The following DDX52 variants were observed in gnomAD, a reference collection of about 807,000 sequenced individuals.
DDX52 encodes the protein probable ATP-dependent RNA helicase DDX52.
DDX52 carries 59 observed loss-of-function variants against 76.1 expected under a neutral mutation model. That is an observed-to-expected ratio of 0.78 (90% CI 0.63 to 0.96). The LOEUF (loss-of-function observed/expected upper bound fraction) is 0.96. Among genes scored for constraint, DDX52 ranks in the 40% least tolerant of loss-of-function variants. The probability of loss-of-function intolerance (pLI) is 0.00; values close to 1 mark genes in which losing one functional copy is unlikely to be tolerated. For synonymous variants in DDX52, 231 were observed against 244.1 expected (o/e 0.95, Z 0.50); for missense variants, 707 against 703.9 (o/e 1.00, Z -0.05).
chr17:37,623,384 C>T (rs182765952), intron 9 of DDX52, among the ~76,000 whole-genome samples: 6 of 152,222 alleles, frequency 3.9e-5, no homozygotes, highest in African/African-American at 7.2e-5. Flanking sequence ...AAGATGACGC[C>T]ACCGCACTCC....
chr17:37,613,093 A>G lies in DDX52; in HGVS notation c.*1203T>C, dbSNP rs981202150. 3.9e-5 allele frequency: 6 copies of G among 152,250 alleles called. No homozygotes were observed. Among genetic ancestry groups the G allele is most frequent in the Admixed American group, 3.9e-4 (6 of 15,288 alleles). 9.4% of individuals were successfully genotyped at this position (152,250 alleles called of 1,614,324 possible). On this transcript the variant is annotated 3_prime_UTR_variant, in exon 15 of 15. Coordinates refer to ENST00000617633, the MANE Select transcript of DDX52 (RefSeq NM_007010.5). ...AAAAAGCTACAAATAGAGGAAATAA[A>G]TAAGTTGAATTCAAATGCTGCTGAG...
chr17:37,635,584 G>C (rs1426212496), intron 2 of DDX52: 3 of 455,534 alleles, frequency 6.6e-6, no homozygotes, highest in Admixed American at 4.7e-5. Context: ...CATTGTAATG[G>C]ATGTACAGTT....
intron 2 of DDX52, chr17:37,639,443 T>C (rs2031083064): frequency 1.0e-5 from 10 of 993,864 alleles, no homozygotes; most frequent in Middle Eastern, 5.1e-4. Context: ...CAGTTAAAAA[T>C]AGATACATGC....
At chr17:37,619,092 G>A (rs1016909224) in intron 13 of DDX52, among the ~76,000 whole-genome samples, 2 of 152,134 alleles carry the variant, frequency 1.3e-5, no homozygotes, top group African/African-American at 4.8e-5. Context: ...ACATTTCAAG[G>A]ATAAGCCTAG....
At chr17:37,624,158 G>T in intron 9 of DDX52, 186 bp downstream of exon 9, 1 of 398,960 alleles carries the variant, frequency 2.5e-6, no homozygotes, top group Non-Finnish European at 4.5e-6. Flanking sequence ...TTTACTCCTA[G>T]ATTACTAAAT....
At chr17:37,617,774 T>C (rs2029880176) in intron 14 of DDX52, among the ~76,000 whole-genome samples, 1 of 152,120 alleles carries the variant, frequency 6.6e-6, no homozygotes, top group Admixed American at 6.5e-5. Flanking sequence ...AATAATATTT[T>C]CCAAGACGGA....
In DDX52 at chr17:37,618,487, T is replaced by G. The variant is rs1164733703; in HGVS notation, c.1650-103A>C. ...ATCCTTGATCACAAAATTCATTTTT[T>G]TTTTTTCCTTTGAGACGGAGTTTTG... On this transcript the variant is annotated intron_variant, in intron 13 of 14. Coordinates refer to ENST00000617633, the MANE Select transcript of DDX52 (RefSeq NM_007010.5). 6 of 1,033,538 alleles carry G rather than the reference T, an allele frequency of 5.8e-6. No homozygotes were observed. The African/African-American group carries it at 6.7e-5, about 12-fold the overall frequency. The allele number at this position is 1,033,538 out of a possible 1,614,324, so 64.0% of individuals were successfully genotyped here.
In DDX52 at chr17:37,628,638, G is replaced by C. The variant is rs759892495; in HGVS notation, c.782C>G (p.Thr261Arg). ...GTGGATCATGTGTATTCTGAATCCT[G>C]TTCCCTCAGAAATTTTTATTAACTC... ...HRELIKISEG[T>R]GFRIHMIHKA... Residue 261 changes from threonine (T) to arginine (R), a missense_variant, in exon 6 of 15, where the codon ACA becomes AGA. Transcript: ENST00000617633. The C allele has an allele frequency of 6.2e-7, 1 of 1,603,020 alleles. No individual in the cohort carries two copies. The highest frequency in any genetic ancestry group is 1.7e-5 in the Admixed American group (1 of 57,584).
rs558463386 is a variant in DDX52, at chr17:37,635,994, T to C, written c.287-2576A>G. ...TCACCATGTGTATTATCTTCTTTAGTGAGTAGATACAAGTCCTTTGATATA... is the reference window on the plus strand; with the variant it reads ...TCACCATGTGTATTATCTTCTTTAGCGAGTAGATACAAGTCCTTTGATATA... On this transcript the variant is annotated intron_variant, in intron 2 of 14. Coordinates refer to ENST00000617633, the MANE Select transcript of DDX52 (RefSeq NM_007010.5). Among the ~76,000 whole-genome samples the C allele has an allele frequency of 7.2e-5, 11 of 152,352 alleles. No homozygotes were observed. In the South Asian group the frequency reaches 2.3e-3, roughly 32 times the overall value.
intron 14 of DDX52, 87 bp downstream of exon 14, chr17:37,618,205 A>C (rs1323097210): frequency 2.2e-5 from 21 of 972,894 alleles, no homozygotes; most frequent in Admixed American, 5.6e-5. Context: ...TATCAATTCT[A>C]CTTCTAAAAA....
At chr17:37,631,754 A>G (rs1282172564) in intron 4 of DDX52, 1 of 231,516 alleles carries the variant, frequency 4.3e-6, no homozygotes, top group African/African-American at 2.3e-5. Context: ...TGAATAGAAC[A>G]TAATCCCCAT....
At position 37,625,980 on chromosome 17, in the gene DDX52, T is replaced by C. The variant is rs1482892227; in HGVS notation, c.1051A>G (p.Met351Val). The part of the protein sequence containing the change: ...ACTSHKVRRA[M>V]FSATFAYDVE... ...TCATATGCAAAAGTTGCACTGAACATAGCTCTTCGGACCTTGTGGGATGTG... is the reference window on the plus strand; with the variant it reads ...TCATATGCAAAAGTTGCACTGAACACAGCTCTTCGGACCTTGTGGGATGTG... The change falls in exon 8 of 15, where the codon ATG (methionine) becomes GTG (valine). Residue 351 changes from methionine to valine, a missense_variant. Coordinates refer to ENST00000617633, the MANE Select transcript of DDX52 (RefSeq NM_007010.5). 1.2e-6 allele frequency: 2 copies of C among 1,614,078 alleles called. No individual in the cohort carries two copies. The highest frequency in any genetic ancestry group is 1.7e-5 in the Admixed American group (1 of 60,002).
intron 7 of DDX52, 63 bp downstream of exon 7, chr17:37,626,725 A>C: frequency 6.6e-7 from 1 of 1,520,758 alleles, no homozygotes; most frequent in Admixed American, 1.8e-5. Flanking sequence ...CAAGCAATAG[A>C]GGACAAAATA....
At chr17:37,626,392 G>C (rs527691777) in intron 7 of DDX52, among the ~76,000 whole-genome samples, 1 of 152,122 alleles carries the variant, frequency 6.6e-6, no homozygotes, top group Non-Finnish European at 1.5e-5. Context: ...CTGCCACCAT[G>C]TAAGATATGT....
chr17:37,629,972 A>G (rs2030594577), intron 5 of DDX52, 58 bp downstream of exon 5: 28 of 1,554,116 alleles, frequency 1.8e-5, no homozygotes, highest in Non-Finnish European at 2.4e-5. Flanking sequence ...ACCTTCAAAT[A>G]AGAAAGATCA....
chr17:37,621,219 G>A lies in DDX52; in HGVS notation c.1409C>T (p.Ala470Val). Residue 470 changes from alanine (A) to valine (V), a missense_variant, in exon 11 of 15, where the codon GCC becomes GTC. Ala to Val is a moderately conservative substitution (Grantham distance 64, BLOSUM62 0). Coordinates refer to ENST00000617633, the MANE Select transcript of DDX52 (RefSeq NM_007010.5). ...AAAATCAATCCCTCTTGCTAGCAAG[G>A]CTGTACAAATCAGAACCCAGATTTT... ...AGKIWVLICT[A>V]LLARGIDFKG... 1.2e-6 allele frequency: 2 copies of A among 1,613,964 alleles called. No homozygotes were observed. The highest frequency in any genetic ancestry group is 1.7e-6 in the Non-Finnish European group (2 of 1,179,946).
chr17:37,638,770 C>CT (rs920881727), intron 2 of DDX52, among the ~76,000 whole-genome samples: 1,478 of 114,772 alleles, frequency 0.013, 19 homozygotes, highest in Non-Finnish European at 0.018. Context: ...TGTTTTTTTT[C>CT]TTTTTTTTTT....
intron 2 of DDX52, chr17:37,635,648 C>G: frequency 2.2e-6 from 1 of 455,542 alleles, no homozygotes; most frequent in South Asian, 1.6e-5. Context: ...TGGCTATAAG[C>G]AATGTTGCTA....
chr17:37,619,697 G>T, intron 13 of DDX52, 71 bp downstream of exon 13: 1 of 1,372,978 alleles, frequency 7.3e-7, no homozygotes, highest in Non-Finnish European at 1.0e-6. Flanking sequence ...GGGCAACAGA[G>T]CAAGAAAAAA....
Sources: allele counts gnomAD v4.1 joint callset (sites outside exome capture counted in the v4.1 genomes callset), GRCh38; gene constraint gnomAD v4.1.1; transcripts MANE v1.5; gene names NCBI Gene and HGNC (gene_info 2026-07-23, HGNC 2026-07-21).